SLC7A14: variants seen among roughly 807,000 people sequenced by gnomAD.
SLC7A14 encodes the protein gamma-aminobutyric acid transporter SLC7A14.
In SLC7A14, 37 loss-of-function variants were observed where a neutral mutation model predicts 60.2. The observed-to-expected ratio is 0.61, with a 90% CI of 0.47 to 0.81. The LOEUF is 0.81. Among genes scored for constraint, SLC7A14 ranks in the 30% least tolerant of loss-of-function variants. SLC7A14 has a pLI of 0.00. For synonymous variants in SLC7A14, 399 were observed against 395.8 expected (o/e 1.01, Z -0.10); for missense variants, 886 against 982.7 (o/e 0.90, Z 1.32).
intron 2 of SLC7A14, among the ~76,000 whole-genome samples, chr3:170,503,778 A>AC (rs1307293588): frequency 6.6e-6 from 1 of 152,200 alleles, no homozygotes; most frequent in Non-Finnish European, 1.5e-5. Context: ...ATTTAAAAAT[A>AC]CCCCCATTTT....
At chr3:170,503,109 C>G (rs534212552) in intron 2 of SLC7A14, 2 of 152,304 alleles carry the variant, frequency 1.3e-5, no homozygotes, top group Admixed American at 1.3e-4. Context: ...CTGTTTGTCT[C>G]TACATTAAAT....
intron 2 of SLC7A14, among the ~76,000 whole-genome samples, chr3:170,521,970 T>C (rs934934092): frequency 2.0e-5 from 3 of 151,534 alleles, no homozygotes; most frequent in African/African-American, 7.3e-5. Flanking sequence ...AAATAGACAC[T>C]TTACCAAGGA....
At chr3:170,470,363 C>T (rs1019589287) in intron 7 of SLC7A14, among the ~76,000 whole-genome samples, 22 of 104,310 alleles carry the variant, frequency 2.1e-4, no homozygotes, top group Admixed American at 5.8e-4. Context: ...TGTGTCTGCG[C>T]GCTCTCACAT....
chr3:170,560,690 A>G (rs1714623551), intron 1 of SLC7A14, among the ~76,000 whole-genome samples: 1 of 152,224 alleles, frequency 6.6e-6, no homozygotes, highest in Admixed American at 6.5e-5. Context: ...ATGGAAAACA[A>G]CAGTGAACAA....
At chr3:170,582,261 T>G (rs1222721727) in intron 1 of SLC7A14, among the ~76,000 whole-genome samples, 1 of 152,100 alleles carries the variant, frequency 6.6e-6, no homozygotes, top group Non-Finnish European at 1.5e-5. Context: ...AGTTCTTGGT[T>G]GCTGTGAGGG....
chr3:170,554,235 A>G (rs1324481656), intron 1 of SLC7A14, among the ~76,000 whole-genome samples: 1 of 152,196 alleles, frequency 6.6e-6, no homozygotes, highest in East Asian at 1.9e-4. Flanking sequence ...AGGAGTGATT[A>G]GAGTATTGAT....
At chr3:170,501,023 T>A in intron 3 of SLC7A14, 86 bp downstream of exon 3, 1 of 1,286,298 alleles carries the variant, frequency 7.8e-7, no homozygotes, top group Non-Finnish European at 1.1e-6. Context: ...TTGATACATT[T>A]TGCCAAATTG....
At chr3:170,473,312 A>G (rs1296554290) in intron 7 of SLC7A14, among the ~76,000 whole-genome samples, 1 of 152,224 alleles carries the variant, frequency 6.6e-6, no homozygotes, top group Admixed American at 6.5e-5. Context: ...CTCTGAAGAG[A>G]CTGAGTAATG....
At chr3:170,473,854 A>G (rs981101860) in intron 7 of SLC7A14, among the ~76,000 whole-genome samples, 12 of 152,212 alleles carry the variant, frequency 7.9e-5, no homozygotes, top group African/African-American at 2.9e-4. Flanking sequence ...TTTATGTCTC[A>G]GTTTCTCATC....
rs190878683 is a variant in SLC7A14, at chr3:170,520,490, C to A, written c.304+6143G>T. Among the ~76,000 whole-genome samples, 36 of 152,320 alleles carry A rather than the reference C, an allele frequency of 2.4e-4. No homozygotes were observed. In the East Asian group the frequency reaches 6.6e-3, roughly 28 times the overall value. On this transcript the variant is annotated intron_variant, in intron 2 of 7. Coordinates refer to ENST00000231706, the MANE Select transcript of SLC7A14 (RefSeq NM_020949.3). ...GAAATAGAGAAGAGGCAATTTCTTG[C>A]CTATTTTTGGTACTGTCTCAGGACT...
intron 1 of SLC7A14, among the ~76,000 whole-genome samples, chr3:170,580,324 A>C (rs1715202582): frequency 6.6e-6 from 1 of 152,240 alleles, no homozygotes; most frequent in Admixed American, 6.5e-5. Context: ...AATTAGAGAA[A>C]TCCTTTAAGC....
intron 1 of SLC7A14, among the ~76,000 whole-genome samples, chr3:170,542,335 ACTGTC>A (rs1289224909): frequency 6.6e-6 from 1 of 152,084 alleles, no homozygotes; most frequent in African/African-American, 2.4e-5. Context: ...AATTTCATGG[ACTGTC>A]CTAAGAATTC....
chr3:170,524,124 C>A (rs912176866), intron 2 of SLC7A14, among the ~76,000 whole-genome samples: 3 of 152,032 alleles, frequency 2.0e-5, no homozygotes, highest in African/African-American at 7.3e-5. Flanking sequence ...CTGGGCAGGA[C>A]CAGGGTCTTT....
chr3:170,583,178 T>C (rs1436339980), intron 1 of SLC7A14, among the ~76,000 whole-genome samples: 1 of 152,142 alleles, frequency 6.6e-6, no homozygotes, highest in Non-Finnish European at 1.5e-5. Flanking sequence ...GAATAGGTCA[T>C]AGAAGAGGAG....
At chr3:170,494,316 C>T (rs183085654) in intron 4 of SLC7A14, among the ~76,000 whole-genome samples, 8 of 152,306 alleles carry the variant, frequency 5.3e-5, no homozygotes, top group Admixed American at 4.6e-4. Flanking sequence ...TTGGGAAAAG[C>T]GTCCTTCATT....
At chr3:170,491,763 G>A (rs1577509134) in intron 4 of SLC7A14, among the ~76,000 whole-genome samples, 2 of 152,074 alleles carry the variant, frequency 1.3e-5, no homozygotes, top group South Asian at 2.1e-4. Context: ...CTTTCTTCTC[G>A]CCTTCTGACT....
rs1739675474 is a variant in SLC7A14 at position 170,464,541 on chromosome 3, TTCTA to T, written c.*2510_*2513del. On this transcript the variant is annotated 3_prime_UTR_variant, in exon 8 of 8. Coordinates refer to ENST00000231706, the MANE Select transcript of SLC7A14 (RefSeq NM_020949.3). ...ATGTCTATGTACCTGAAAATACTTT[TTCTA>T]TCTTAGTGATTTTTTTTTTAAAACT... 6.6e-6 allele frequency: 1 copy of T among 152,132 alleles called. No homozygotes were observed. The highest frequency in any genetic ancestry group is 1.5e-5 in the Non-Finnish European group (1 of 68,046). The allele number at this position is 152,132 out of a possible 1,614,324, so 9.4% of individuals were successfully genotyped here. A position where few individuals can be genotyped will look rare whatever the true frequency, so the allele number is the denominator to read the frequency against.
chr3:170,553,847 A>G (rs1714414600), intron 1 of SLC7A14, among the ~76,000 whole-genome samples: 1 of 149,130 alleles, frequency 6.7e-6, no homozygotes, highest in African/African-American at 2.4e-5. Flanking sequence ...CCGTTAAAAA[A>G]ACTTTTTTTT....
chr3:170,551,388 A>G (rs528321814), intron 1 of SLC7A14, among the ~76,000 whole-genome samples: 2 of 152,270 alleles, frequency 1.3e-5, no homozygotes, highest in South Asian at 4.1e-4. Flanking sequence ...TTGTGTGGAC[A>G]TTCGTTTTCA....
Sources: gnomAD v4.1 joint callset for allele counts (sites outside exome capture counted in the v4.1 genomes callset) on GRCh38, gnomAD v4.1.1 for gene constraint, MANE v1.5 for transcripts, NCBI Gene and HGNC (gene_info 2026-07-23, HGNC 2026-07-21) for gene names.